ADGRB3: variants seen among roughly 807,000 people sequenced by gnomAD.
The protein encoded by ADGRB3 is adhesion G protein-coupled receptor B3, also known as brain-specific angiogenesis inhibitor 3.
In ADGRB3, 37 loss-of-function variants were observed where a neutral mutation model predicts 193.4. That is an observed-to-expected ratio of 0.19 (90% CI 0.15 to 0.25). ADGRB3 has a LOEUF of 0.25. ADGRB3 is among the 10% of genes least tolerant of loss of function. The pLI, the probability that ADGRB3 is intolerant of heterozygous loss-of-function variation, is 1.00. For synonymous variants in ADGRB3, 690 were observed against 644.2 expected, an observed-to-expected ratio of 1.07 and a Z score of -1.08; for missense variants, 1,637 against 1,852.9, an observed-to-expected ratio of 0.88 and a Z score of 2.14.
intron 20 of ADGRB3, among the ~76,000 whole-genome samples, chr6:69,317,331 A>AG (rs1443774019): frequency 6.6e-6 from 1 of 151,268 alleles, no homozygotes; most frequent in Non-Finnish European, 1.5e-5. Context: ...GGAGAGGAGG[A>AG]GGGTCTTATG....
chr6:69,339,242 C>G, intron 25 of ADGRB3, 91 bp from the exon 26 acceptor site: 1 of 1,457,914 alleles, frequency 6.9e-7, no homozygotes, highest in Non-Finnish European at 9.3e-7. Flanking sequence ...GTCTTGGAAC[C>G]ACATACAAAA....
intron 11 of ADGRB3, among the ~76,000 whole-genome samples, chr6:68,996,338 G>T (rs529763766): frequency 6.6e-6 from 1 of 151,566 alleles, no homozygotes; most frequent in Non-Finnish European, 1.5e-5. Flanking sequence ...ATCCTCCCTC[G>T]CCTGTTTACC....
At position 68,766,241 on chromosome 6, in the gene ADGRB3, AT is replaced by A. The variant is rs1175390573; in HGVS notation, c.757+126812del. 2.6e-5 allele frequency among the ~76,000 whole-genome samples: 4 copies of A among 151,792 alleles called. No individual in the cohort carries two copies. In the East Asian group the frequency reaches 5.8e-4, roughly 22 times the overall value. On this transcript the variant is annotated intron_variant, in intron 3 of 31. Coordinates refer to ENST00000370598, the MANE Select transcript of ADGRB3 (RefSeq NM_001704.3). ...TAATTCTGTTTTTCTTTTTTAGCTT[AT>A]TTCATTGAATGCTCAGATTATTTAT...
intron 26 of ADGRB3, among the ~76,000 whole-genome samples, chr6:69,342,745 T>A (rs752249188): frequency 3.3e-5 from 5 of 152,182 alleles, no homozygotes; most frequent in Non-Finnish European, 5.9e-5. Flanking sequence ...TAGTGATTCA[T>A]ATCTATTAAT....
chr6:69,297,701 TA>T lies in ADGRB3; in HGVS notation c.2815-27168del, dbSNP rs767864662. On this transcript the variant is annotated intron_variant, in intron 20 of 31. Coordinates refer to ENST00000370598, the MANE Select transcript of ADGRB3 (RefSeq NM_001704.3). ...ATGTTGGTAATTTGCAAGGTTTTTTTAAATGGAGAAGTAGCCAAGCAAATGA... is the reference window on the plus strand; with the variant it reads ...ATGTTGGTAATTTGCAAGGTTTTTTTAATGGAGAAGTAGCCAAGCAAATGA... 3.4e-4 allele frequency among the ~76,000 whole-genome samples: 51 copies of T among 151,986 alleles called. 1 individual carries two copies. Among genetic ancestry groups the T allele is most frequent in the Admixed American group, 2.6e-4 (4 of 15,238 alleles).
intron 3 of ADGRB3, among the ~76,000 whole-genome samples, chr6:68,767,411 G>T (rs183120721): frequency 6.6e-6 from 1 of 151,984 alleles, no homozygotes; most frequent in South Asian, 2.1e-4. Context: ...AACATAATCC[G>T]TAACATAAAC....
intron 17 of ADGRB3, among the ~76,000 whole-genome samples, chr6:69,079,334 T>C (rs1562150032): frequency 6.6e-6 from 1 of 151,984 alleles, no homozygotes; most frequent in Non-Finnish European, 1.5e-5. Flanking sequence ...GAATATTTTT[T>C]ATTCAATAGA....
chr6:68,773,550 A>G (rs1005267818), intron 3 of ADGRB3, among the ~76,000 whole-genome samples: 7 of 152,170 alleles, frequency 4.6e-5, no homozygotes, highest in African/African-American at 1.4e-4. Flanking sequence ...CCACTGTACT[A>G]ACACTAGAGA....
chr6:68,732,438 G>T (rs564390148), intron 3 of ADGRB3, among the ~76,000 whole-genome samples: 1 of 151,846 alleles, frequency 6.6e-6, no homozygotes, highest in Non-Finnish European at 1.5e-5. Flanking sequence ...AATTGTTTTG[G>T]TTATAAAAGC....
chr6:68,936,012 C>T (rs544651170), intron 4 of ADGRB3, among the ~76,000 whole-genome samples: 40 of 152,172 alleles, frequency 2.6e-4, no homozygotes, highest in African/African-American at 9.2e-4. Context: ...CTATAAATAT[C>T]AGTACTCAAT....
chr6:68,796,592 A>G (rs1312854271), intron 3 of ADGRB3, among the ~76,000 whole-genome samples: 2 of 152,130 alleles, frequency 1.3e-5, no homozygotes, highest in African/African-American at 4.8e-5. Context: ...ATGTTTGCCC[A>G]TCTTTGAGGT....
At chr6:69,123,875 A>G (rs1406806946) in intron 17 of ADGRB3, among the ~76,000 whole-genome samples, 1 of 152,204 alleles carries the variant, frequency 6.6e-6, no homozygotes, top group East Asian at 1.9e-4. Flanking sequence ...ACAGAGCATT[A>G]TGGACCTTTA....
At chr6:68,838,020 A>G (rs911031838) in intron 3 of ADGRB3, among the ~76,000 whole-genome samples, 3 of 148,892 alleles carry the variant, frequency 2.0e-5, no homozygotes, top group African/African-American at 7.7e-5. Flanking sequence ...TTTTATGTGG[A>G]AAAAAAAATC....
intron 13 of ADGRB3, among the ~76,000 whole-genome samples, chr6:69,034,965 T>G (rs946524055): frequency 5.9e-5 from 9 of 152,224 alleles, no homozygotes; most frequent in African/African-American, 2.2e-4. Flanking sequence ...AATTATTTTC[T>G]GAACTTTAGT....
chr6:69,213,896 A>C (rs1343506304), intron 17 of ADGRB3, among the ~76,000 whole-genome samples: 1 of 152,162 alleles, frequency 6.6e-6, no homozygotes, highest in Non-Finnish European at 1.5e-5. Flanking sequence ...AATATGTTCA[A>C]AGTTATATAT....
At chr6:69,122,945 T>C (rs1328153175) in intron 17 of ADGRB3, among the ~76,000 whole-genome samples, 1 of 151,746 alleles carries the variant, frequency 6.6e-6, no homozygotes, top group Non-Finnish European at 1.5e-5. Flanking sequence ...TATCTATCTA[T>C]ATAGATATAT....
At chr6:69,086,875 A>G (rs1302849487) in intron 17 of ADGRB3, among the ~76,000 whole-genome samples, 1 of 152,044 alleles carries the variant, frequency 6.6e-6, no homozygotes, top group Non-Finnish European at 1.5e-5. Flanking sequence ...TTAAAGGGGG[A>G]GAATGACATA....
chr6:69,368,049 G>T (rs1343886120), intron 29 of ADGRB3, among the ~76,000 whole-genome samples: 2 of 151,326 alleles, frequency 1.3e-5, no homozygotes, highest in Non-Finnish European at 2.9e-5. Flanking sequence ...AATGCTAGAT[G>T]ACGAGTTAAT....
chr6:68,790,390 C>A (rs1767077149), intron 3 of ADGRB3, among the ~76,000 whole-genome samples: 1 of 152,218 alleles, frequency 6.6e-6, no homozygotes, highest in Admixed American at 6.5e-5. Flanking sequence ...AAAGACAGCA[C>A]TAACCTCTGC....
Sources: allele counts gnomAD v4.1 joint callset (sites outside exome capture counted in the v4.1 genomes callset), GRCh38; gene constraint gnomAD v4.1.1; transcripts MANE v1.5; gene names NCBI Gene and HGNC (gene_info 2026-07-23, HGNC 2026-07-21).